ST7: variants seen among roughly 807,000 people sequenced by gnomAD.
The protein encoded by ST7 is suppression of tumorigenicity 7.
Under a neutral mutation model 78.7 loss-of-function variants are expected in ST7, and 28 were observed. The observed-to-expected ratio is 0.36, with a 90% confidence interval of 0.26 to 0.49. The LOEUF (loss-of-function observed/expected upper bound fraction) is 0.49. Among genes scored for constraint, ST7 ranks in the 20% least tolerant of loss-of-function variants. The pLI is 0.99. For missense variants in ST7, 418 were observed against 696.0 expected, an observed-to-expected ratio of 0.60 and a Z score of 4.49; for synonymous variants, 247 against 249.6, an observed-to-expected ratio of 0.99 and a Z score of 0.10.
At chr7:116,977,490 TA>T (rs1344081654) in intron 1 of ST7, among the ~76,000 whole-genome samples, 1 of 152,236 alleles carries the variant, frequency 6.6e-6, no homozygotes, top group East Asian at 1.9e-4. Context: ...CTTGTAAATA[TA>T]ATCTAATTTG....
At chr7:116,995,910 G>C (rs1316195935) in intron 1 of ST7, among the ~76,000 whole-genome samples, 1 of 152,148 alleles carries the variant, frequency 6.6e-6, no homozygotes, top group Non-Finnish European at 1.5e-5. Context: ...ACACATGTTT[G>C]AGCTAGATAT....
chr7:117,042,474 C>A (rs902789681), intron 1 of ST7, among the ~76,000 whole-genome samples: 1 of 152,082 alleles, frequency 6.6e-6, no homozygotes. Context: ...TCTGTCTGGG[C>A]TAGAGTGTAC....
chr7:117,023,186 T>C (rs1584469724), intron 1 of ST7, among the ~76,000 whole-genome samples: 1 of 152,306 alleles, frequency 6.6e-6, no homozygotes, highest in Admixed American at 6.5e-5. Flanking sequence ...AGCCTGGATA[T>C]CACATTATAA....
At chr7:116,957,334 A>G (rs1792558852) in intron 1 of ST7, among the ~76,000 whole-genome samples, 1 of 152,146 alleles carries the variant, frequency 6.6e-6, no homozygotes, top group Non-Finnish European at 1.5e-5. Context: ...TAATAGGAAT[A>G]GTACATAGTG....
intron 1 of ST7, chr7:117,098,764 C>T: frequency 7.7e-7 from 1 of 1,298,980 alleles, no homozygotes; most frequent in Non-Finnish European, 1.0e-6. Context: ...ATGTGATTCC[C>T]TTCTACAAAC....
chr7:117,127,025 T>C (rs1803908938), intron 3 of ST7, among the ~76,000 whole-genome samples: 2 of 152,046 alleles, frequency 1.3e-5, no homozygotes, highest in Admixed American at 1.3e-4. Flanking sequence ...AGAGCATGTT[T>C]GTTGTATCAA....
intron 1 of ST7, among the ~76,000 whole-genome samples, chr7:116,995,144 C>T (rs897956478): frequency 1.3e-5 from 2 of 152,140 alleles, no homozygotes; most frequent in Non-Finnish European, 1.5e-5. Context: ...TATCTGCTTT[C>T]TGATATGACC....
chr7:117,172,025 A>G (rs1476210637), intron 10 of ST7, among the ~76,000 whole-genome samples: 2 of 150,184 alleles, frequency 1.3e-5, no homozygotes, highest in Non-Finnish European at 2.9e-5. Flanking sequence ...ATCATAGTTC[A>G]CTATAACCTT....
At chr7:117,093,451 C>T (rs1042951145) in intron 1 of ST7, among the ~76,000 whole-genome samples, 1 of 152,160 alleles carries the variant, frequency 6.6e-6, no homozygotes, top group African/African-American at 2.4e-5. Flanking sequence ...CCTGTAATGC[C>T]AGCACTTTGG....
chr7:116,962,405 C>T (rs897922868), intron 1 of ST7, among the ~76,000 whole-genome samples: 1 of 152,224 alleles, frequency 6.6e-6, no homozygotes, highest in Non-Finnish European at 1.5e-5. Flanking sequence ...ATCCCACCAA[C>T]AGTGTAAAGG....
At chr7:117,211,100 T>C (rs575627120) in intron 13 of ST7, among the ~76,000 whole-genome samples, 21 of 152,112 alleles carry the variant, frequency 1.4e-4, no homozygotes, top group African/African-American at 5.1e-4. Context: ...GGGAGCAAAA[T>C]GGGATAGTGT....
intron 3 of ST7, among the ~76,000 whole-genome samples, chr7:117,123,177 G>A (rs1213314378): frequency 4.6e-5 from 7 of 152,048 alleles, no homozygotes; most frequent in Admixed American, 4.6e-4. Flanking sequence ...GATTATTTGA[G>A]AAAATCATTG....
At chr7:116,975,986 C>T (rs1436621975) in intron 1 of ST7, among the ~76,000 whole-genome samples, 2 of 151,956 alleles carry the variant, frequency 1.3e-5, no homozygotes, top group Non-Finnish European at 2.9e-5. Context: ...CAAGGCTGGG[C>T]ATGGTGGCTC....
At chr7:117,003,837 C>A (rs1017731677) in intron 1 of ST7, among the ~76,000 whole-genome samples, 26 of 152,262 alleles carry the variant, frequency 1.7e-4, no homozygotes, top group African/African-American at 6.0e-4. Flanking sequence ...AATGAGTTGT[C>A]TGTAGGCTGC....
At chr7:117,111,966 A>G (rs1286874647) in intron 2 of ST7, among the ~76,000 whole-genome samples, 1 of 152,208 alleles carries the variant, frequency 6.6e-6, no homozygotes, top group Non-Finnish European at 1.5e-5. Context: ...ATAGATTCCT[A>G]TATCCCTATT....
chr7:117,158,940 T>C lies in ST7; in HGVS notation c.964-11922T>C, dbSNP rs1027249523. ...ATGATACAGGCCAAATTCTATAAAC[T>C]TTAATTAGCCCAAGCTTGTATTGAC... On this transcript the variant is annotated intron_variant, in intron 9 of 15. Transcript: ENST00000323984. Among the ~76,000 whole-genome samples, 5 of 152,314 alleles carry C rather than the reference T, an allele frequency of 3.3e-5. No homozygotes were observed. The East Asian group carries it at 7.7e-4, about 24-fold the overall frequency.
rs75896162 is a variant in ST7 at position 117,012,220 on chromosome 7, C to T, written c.151+58529C>T. Among the ~76,000 whole-genome samples the T allele has an allele frequency of 2.8e-3, 428 of 151,626 alleles. 6 individuals are homozygous for T. In the East Asian group the frequency reaches 0.035, roughly 12 times the overall value. On this transcript the variant is annotated intron_variant, in intron 1 of 15. Transcript: ENST00000323984. ...AATATAGAAAGAATTTTTATGAATT[C>T]GGAACTGAACTGTTTGGCCCACTGT... is the stretch of plus-strand genomic sequence containing the variant.
intron 15 of ST7, among the ~76,000 whole-genome samples, chr7:117,224,411 C>T (rs1793309632): frequency 6.6e-6 from 1 of 152,134 alleles, no homozygotes; most frequent in Non-Finnish European, 1.5e-5. Context: ...TATGGGCCTA[C>T]ACTACTTGTT....
At chr7:116,976,274 T>TAAC (rs755664693) in intron 1 of ST7, among the ~76,000 whole-genome samples, 7 of 151,714 alleles carry the variant, frequency 4.6e-5, no homozygotes, top group South Asian at 4.2e-4. Context: ...ACAACAACAA[T>TAAC]AACAACAACA....
Sources: gnomAD v4.1 joint callset for allele counts (sites outside exome capture counted in the v4.1 genomes callset) on GRCh38, gnomAD v4.1.1 for gene constraint, MANE v1.5 for transcripts, NCBI Gene and HGNC (gene_info 2026-07-23, HGNC 2026-07-21) for gene names.